PFKFB1: variants seen among roughly 807,000 people sequenced by gnomAD.
PFKFB1 encodes the protein 6-phosphofructo-2-kinase/fructose-2,6-bisphosphatase 1.
Under a neutral mutation model 46.4 loss-of-function variants are expected in PFKFB1, and 34 were observed. That is an observed-to-expected ratio of 0.73 (90% confidence interval 0.56 to 0.98). PFKFB1 has a LOEUF of 0.98. Among genes scored for constraint, PFKFB1 ranks in the 50% least tolerant of loss-of-function variants. PFKFB1 has a pLI of 0.00. For missense variants in PFKFB1, 393 were observed against 376.3 expected, an observed-to-expected ratio of 1.04 and a Z score of -0.37; for synonymous variants, 119 against 133.8, an observed-to-expected ratio of 0.89 and a Z score of 0.76.
chrX:54,947,687 A>T (rs1218622596), intron 9 of PFKFB1, among the ~76,000 whole-genome samples: 1 of 111,684 alleles, frequency 9.0e-6, no homozygotes, highest in Non-Finnish European at 1.9e-5. Context: ...TTATTTACAC[A>T]AGTGGTGAAG....
At chrX:54,945,234 T>A (rs1216621226) in intron 10 of PFKFB1, among the ~76,000 whole-genome samples, 3 of 112,377 alleles carry the variant, frequency 2.7e-5, no homozygotes, top group Non-Finnish European at 5.6e-5. Flanking sequence ...ATGTAGCTTT[T>A]AAAAGAAAGG....
At chrX:54,974,149 C>T (rs1934769708) in intron 1 of PFKFB1, among the ~76,000 whole-genome samples, 1 of 111,322 alleles carries the variant, frequency 9.0e-6, no homozygotes, top group Admixed American at 9.6e-5. Context: ...TAAGAAACTA[C>T]AATGGCCAAA....
At chrX:54,979,512 A>T (rs1245362606) in intron 1 of PFKFB1, among the ~76,000 whole-genome samples, 2 of 111,840 alleles carry the variant, frequency 1.8e-5, no homozygotes, top group Non-Finnish European at 3.8e-5. Context: ...AAAATAATGG[A>T]TTTAAAACAA....
chrX:54,987,134 A>C (rs1042082305), intron 1 of PFKFB1, among the ~76,000 whole-genome samples: 16 of 111,694 alleles, frequency 1.4e-4, no homozygotes, highest in African/African-American at 5.2e-4. Context: ...TATGAAAATA[A>C]AAAGAATTAT....
chrX:54,983,751 T>C (rs1481964220), intron 1 of PFKFB1, among the ~76,000 whole-genome samples: 4 of 112,190 alleles, frequency 3.6e-5, no homozygotes, highest in Non-Finnish European at 7.5e-5. Context: ...TACACTGCTT[T>C]CCACATGGTT....
intron 1 of PFKFB1, among the ~76,000 whole-genome samples, chrX:54,964,195 GT>G (rs768756229): frequency 3.6e-5 from 4 of 109,992 alleles, no homozygotes; most frequent in Non-Finnish European, 7.6e-5. Context: ...GCCCACTTGG[GT>G]TAGAACATAG....
upstream of PFKFB1, chrX:54,994,437 G>T: frequency 2.7e-6 from 2 of 753,096 alleles, no homozygotes; most frequent in Non-Finnish European, 3.1e-6. Flanking sequence ...AGCCTGTGTG[G>T]GGTATAGAGG....
chrX:54,945,583 G>A, intron 9 of PFKFB1, 40 bp from the exon 10 acceptor site: 1 of 846,752 alleles, frequency 1.2e-6, no homozygotes, highest in Non-Finnish European at 1.7e-6. Flanking sequence ...TTCACAAGAT[G>A]AAATTCCACA....
chrX:54,958,163 C>A, intron 6 of PFKFB1, 143 bp downstream of exon 6: 1 of 394,747 alleles, frequency 2.5e-6, no homozygotes, highest in East Asian at 3.9e-5. Flanking sequence ...TTAGGGAATG[C>A]TTCCTATGAA....
chrX:54,954,554 GT>G (rs954703087), intron 7 of PFKFB1, among the ~76,000 whole-genome samples: 8 of 111,640 alleles, frequency 7.2e-5, no homozygotes, highest in African/African-American at 2.3e-4. Flanking sequence ...TTTTAAGATA[GT>G]TTTTTTTCTT....
At chrX:54,956,912 T>C (rs1282194541) in intron 6 of PFKFB1, among the ~76,000 whole-genome samples, 1 of 112,000 alleles carries the variant, frequency 8.9e-6, no homozygotes, top group African/African-American at 3.2e-5. Flanking sequence ...TTGTGCCCAA[T>C]TACTTTGTCT....
At chrX:54,974,804 T>C (rs1449563480) in intron 1 of PFKFB1, among the ~76,000 whole-genome samples, 1 of 110,741 alleles carries the variant, frequency 9.0e-6, no homozygotes, top group Non-Finnish European at 1.9e-5. Flanking sequence ...GACATGAATA[T>C]AGAATTCTCA....
At chrX:54,934,859 G>A (rs1933332349) in intron 12 of PFKFB1, 88 bp downstream of exon 12, 1 of 741,000 alleles carries the variant, frequency 1.3e-6, no homozygotes, top group Non-Finnish European at 2.1e-6. Flanking sequence ...GAAACCTCCT[G>A]CAGGACTCTT....
intron 10 of PFKFB1, 133 bp downstream of exon 10, chrX:54,945,306 T>A (rs1391078112): frequency 4.9e-6 from 2 of 405,969 alleles, no homozygotes; most frequent in South Asian, 1.1e-4. Flanking sequence ...ATCATGTGCC[T>A]TGTGGGATGG....
chrX:54,978,017 T>C (rs1361915629), intron 1 of PFKFB1, among the ~76,000 whole-genome samples: 2 of 110,719 alleles, frequency 1.8e-5, no homozygotes, highest in African/African-American at 6.5e-5. Flanking sequence ...GGTTCATCAT[T>C]TGTAACAAAT....
intron 1 of PFKFB1, among the ~76,000 whole-genome samples, chrX:54,981,288 A>C (rs898410531): frequency 2.7e-5 from 3 of 111,405 alleles, no homozygotes; most frequent in African/African-American, 9.8e-5. Flanking sequence ...AAAAATCATA[A>C]TAAAATTTCA....
At chrX:54,960,641 C>T (rs1355652005) in intron 3 of PFKFB1, among the ~76,000 whole-genome samples, 183 bp downstream of exon 3, 1 of 108,184 alleles carries the variant, frequency 9.2e-6, no homozygotes. Flanking sequence ...CCTTTCTGGT[C>T]CAGATTATTC....
Position 54,952,050 on chromosome X carries a change from T to A in PFKFB1, c.701A>T (p.Asp234Val), listed in dbSNP as rs997697891. Reference sequence around the variant, plus strand: ...GTAGACTGTGCGGCTCTGGATGTGATCCTGCACTCGGTTCACCATGTAGCG... The same window carrying A: ...GTAGACTGTGCGGCTCTGGATGTGAACCTGCACTCGGTTCACCATGTAGCG... ...GTRYMVNRVQ[D>V]HIQSRTVYYL... The change falls in exon 8 of 14, where the codon GAT becomes GTT. Residue 234 changes from aspartate (D) to valine (V), a missense_variant. Coordinates refer to ENST00000375006, the MANE Select transcript of PFKFB1 (RefSeq NM_002625.4). The A allele has an allele frequency of 1.7e-6, 2 of 1,211,342 alleles. No homozygotes were observed. The highest frequency in any genetic ancestry group is 3.5e-5 in the African/African-American group (2 of 57,832).
intron 1 of PFKFB1, among the ~76,000 whole-genome samples, chrX:54,984,940 C>A (rs1307894218): frequency 2.7e-5 from 3 of 110,904 alleles, no homozygotes. Context: ...GTAGGTTCCA[C>A]ACCAGGATAG....
Sources: gnomAD v4.1 joint callset for allele counts (sites outside exome capture counted in the v4.1 genomes callset) on GRCh38, gnomAD v4.1.1 for gene constraint, MANE v1.5 for transcripts, NCBI Gene and HGNC (gene_info 2026-07-23, HGNC 2026-07-21) for gene names.